The following DMD variants were observed in gnomAD, a reference collection of about 807,000 sequenced individuals.
DMD encodes the protein mutant dystrophin.
A neutral mutation model predicts 330.1 loss-of-function variants in DMD; 63 were observed. That is an observed-to-expected ratio of 0.19 (90% CI 0.16 to 0.24). DMD has a LOEUF of 0.24. Among genes scored for constraint, DMD ranks in the 10% least tolerant of loss-of-function variants. The probability of loss-of-function intolerance (pLI) is 1.00; values close to 1 mark genes in which losing one functional copy is unlikely to be tolerated. For synonymous variants in DMD, 1,223 were observed against 959.8 expected (o/e 1.27, Z -5.07); for missense variants, 3,344 against 2,684.1 (o/e 1.25, Z -5.43).
chrX:33,158,304 C>T (rs1243089202), intron 1 of DMD, among the ~76,000 whole-genome samples: 3 of 111,545 alleles, frequency 2.7e-5, no homozygotes, highest in African/African-American at 6.5e-5. Flanking sequence ...ACCTGAAGAA[C>T]GTGAGGGATT....
At position 31,868,194 on chromosome X, in the gene DMD, G is replaced by C. The variant is rs778113645; in HGVS notation, c.7098+6994C>G. ...ACTAACTCAAGATCAAGCAAGACAA[G>C]AATTAACTACATGGGCCTGAATGAA... On this transcript the variant is annotated intron_variant, in intron 48 of 78. Coordinates refer to ENST00000357033, the MANE Select transcript of DMD (RefSeq NM_004006.3). 8.0e-5 allele frequency among the ~76,000 whole-genome samples: 9 copies of C among 112,194 alleles called. No individual in the cohort carries two copies. The East Asian group carries it at 2.2e-3, about 28-fold the overall frequency.
intron 55 of DMD, among the ~76,000 whole-genome samples, chrX:31,579,913 A>G (rs2076266868): frequency 8.9e-6 from 1 of 112,182 alleles, no homozygotes; most frequent in Non-Finnish European, 1.9e-5. Context: ...GAAGAAGCTT[A>G]GAGGACAATC....
At chrX:33,006,244 G>T (rs763028887) in intron 2 of DMD, among the ~76,000 whole-genome samples, 2 of 111,210 alleles carry the variant, frequency 1.8e-5, no homozygotes, top group Admixed American at 9.6e-5. Context: ...TAGACAAACC[G>T]TTTCTAAAGT....
At chrX:32,232,814 T>G (rs916194700) in intron 43 of DMD, among the ~76,000 whole-genome samples, 1 of 111,992 alleles carries the variant, frequency 8.9e-6, no homozygotes, top group African/African-American at 3.2e-5. Context: ...CATCTAAAGT[T>G]TGATTAACAT....
chrX:31,465,246 T>G (rs1333007117), intron 59 of DMD, among the ~76,000 whole-genome samples: 2 of 111,132 alleles, frequency 1.8e-5, no homozygotes, highest in Non-Finnish European at 3.8e-5. Flanking sequence ...GGGATACATG[T>G]GCAGAACGTG....
chrX:33,155,808 A>G (rs1051805781), intron 1 of DMD, among the ~76,000 whole-genome samples: 1 of 111,339 alleles, frequency 9.0e-6, no homozygotes, highest in South Asian at 3.8e-4. Flanking sequence ...AGAAAAAAAA[A>G]AAAATTAACC....
chrX:31,367,455 C>G lies in DMD; in HGVS notation c.9085-18821G>C, dbSNP rs1316659568. ...TTCCGGAGAACCTAGCATTTTCCCTCAGAAGACTAAAATTAGATCCTGTTT... is the reference window on the plus strand; with the variant it reads ...TTCCGGAGAACCTAGCATTTTCCCTGAGAAGACTAAAATTAGATCCTGTTT... On this transcript the variant is annotated intron_variant, in intron 60 of 78. Transcript: ENST00000357033. Among the ~76,000 whole-genome samples the G allele has an allele frequency of 5.4e-5, 6 of 111,021 alleles. No individual in the cohort carries two copies. In the Admixed American group the frequency reaches 5.8e-4, roughly 11 times the overall value.
chrX:31,923,009 T>C (rs897344447), intron 47 of DMD, among the ~76,000 whole-genome samples: 8 of 111,632 alleles, frequency 7.2e-5, no homozygotes, highest in African/African-American at 2.0e-4. Context: ...AGCCTAGCTC[T>C]AAAAGCCTGA....
rs958998852 is a variant in DMD at position 33,021,959 on chromosome X, C to A, written c.32-1759G>T. Reference sequence around the variant, plus strand: ...TTTCATAAAATTAATACTAGCCCTTCCAAAATAATTTTAAAAAGAAATGGA... The same window carrying A: ...TTTCATAAAATTAATACTAGCCCTTACAAAATAATTTTAAAAAGAAATGGA... On this transcript the variant is annotated intron_variant, in intron 1 of 78. Coordinates refer to ENST00000357033, the MANE Select transcript of DMD (RefSeq NM_004006.3). Among the ~76,000 whole-genome samples, 8 of 111,238 alleles carry A rather than the reference C, an allele frequency of 7.2e-5. No homozygotes were observed. In the East Asian group the frequency reaches 2.0e-3, roughly 27 times the overall value.
chrX:32,283,496 G>A (rs1047174605), intron 43 of DMD, among the ~76,000 whole-genome samples: 3 of 111,988 alleles, frequency 2.7e-5, no homozygotes, highest in Non-Finnish European at 3.8e-5. Context: ...ATTCAGGAAT[G>A]CATAGCTTCT....
At chrX:32,217,120 T>C in intron 43 of DMD, 57 bp from the exon 44 acceptor site, 4 of 1,113,623 alleles carry the variant, frequency 3.6e-6, no homozygotes, top group Non-Finnish European at 4.9e-6. Flanking sequence ...AAACAGATTA[T>C]AGAGATATAG....
At chrX:32,829,692 T>A (rs2079011363) in intron 4 of DMD, among the ~76,000 whole-genome samples, 1 of 111,953 alleles carries the variant, frequency 8.9e-6, no homozygotes, top group African/African-American at 3.2e-5. Context: ...TATACAGTTC[T>A]CTCTGAATAC....
chrX:33,049,743 A>G (rs944816974), intron 1 of DMD, among the ~76,000 whole-genome samples: 5 of 111,562 alleles, frequency 4.5e-5, no homozygotes, highest in African/African-American at 1.6e-4. Context: ...GAAAATTAAT[A>G]TATATGTATA....
intron 7 of DMD, among the ~76,000 whole-genome samples, chrX:32,780,900 G>A (rs1433419150): frequency 9.3e-6 from 1 of 107,301 alleles, no homozygotes; most frequent in Non-Finnish European, 1.9e-5. Context: ...GACCATCCTG[G>A]CTAACACAGT....
At chrX:31,282,326 T>C (rs1296826845) in intron 62 of DMD, among the ~76,000 whole-genome samples, 4 of 111,704 alleles carry the variant, frequency 3.6e-5, no homozygotes, top group Non-Finnish European at 5.7e-5. Flanking sequence ...AATATGATTA[T>C]TGAACTTGAC....
At position 31,385,209 on chromosome X, in the gene DMD, T is replaced by A. The variant is rs902794034; in HGVS notation, c.9085-36575A>T. Among the ~76,000 whole-genome samples, 27 of 111,750 alleles carry A rather than the reference T, an allele frequency of 2.4e-4. No homozygotes were observed. The East Asian group carries it at 7.0e-3, about 29-fold the overall frequency. On this transcript the variant is annotated intron_variant, in intron 60 of 78. Coordinates refer to ENST00000357033, the MANE Select transcript of DMD (RefSeq NM_004006.3). ...ACATCTACTATTCATTTAGCAGCCCTGCTTGGATAAAGCCCAGAGCCATTT... is the reference window on the plus strand; with the variant it reads ...ACATCTACTATTCATTTAGCAGCCCAGCTTGGATAAAGCCCAGAGCCATTT...
intron 55 of DMD, among the ~76,000 whole-genome samples, chrX:31,612,547 G>A (rs1384068716): frequency 8.9e-6 from 1 of 111,743 alleles, no homozygotes; most frequent in Admixed American, 9.5e-5. Context: ...GAGACAGGAG[G>A]AGAAGAGAAG....
At chrX:32,157,411 T>C (rs1380785216) in intron 44 of DMD, among the ~76,000 whole-genome samples, 1 of 112,664 alleles carries the variant, frequency 8.9e-6, no homozygotes, top group Non-Finnish European at 1.9e-5. Context: ...TATTTATATC[T>C]TCAAGATTGC....
chrX:31,679,544 A>C lies in DMD; in HGVS notation c.7703T>G (p.Leu2568Arg). ...ATTCAACTGTTGCCTCCGGTTCTGA[A>C]GGTGTTCTTGTACTTCATCCCACTG... Reference protein sequence around the residue: ...QNQWDEVQEHLQNRRQQLNEM... With the variant: ...QNQWDEVQEHRQNRRQQLNEM... Residue 2568 changes from leucine (L) to arginine (R), a missense_variant, in exon 53 of 79, where the codon CTT becomes CGT. Coordinates refer to ENST00000357033, the MANE Select transcript of DMD (RefSeq NM_004006.3). The C allele has an allele frequency of 8.3e-7, 1 of 1,211,766 alleles. No individual in the cohort carries two copies.
Sources: allele counts gnomAD v4.1 joint callset (sites outside exome capture counted in the v4.1 genomes callset), GRCh38; gene constraint gnomAD v4.1.1; transcripts MANE v1.5; gene names NCBI Gene and HGNC (gene_info 2026-07-23, HGNC 2026-07-21).